Variants in FGF12 observed in about 807,000 individuals in gnomAD.
The protein encoded by FGF12 is fibroblast growth factor 12.
A neutral mutation model predicts 23.6 loss-of-function variants in FGF12; 14 were observed. That is an observed-to-expected ratio of 0.59 (90% CI 0.39 to 0.93). FGF12 has a LOEUF of 0.93. FGF12 is among the 40% of genes least tolerant of loss of function. FGF12 has a pLI of 0.00. For missense variants in FGF12, 175 were observed against 217.8 expected, an observed-to-expected ratio of 0.80 and a Z score of 1.24; for synonymous variants, 62 against 77.3, an observed-to-expected ratio of 0.80 and a Z score of 1.04.
chr3:192,443,885 T>C (rs191517814), intron 2 of FGF12, among the ~76,000 whole-genome samples: 33 of 152,242 alleles, frequency 2.2e-4, no homozygotes, highest in African/African-American at 6.3e-4. Flanking sequence ...GTGGGGCAGG[T>C]AGCAACAAGA....
intron 4 of FGF12, among the ~76,000 whole-genome samples, chr3:192,281,869 G>A (rs892507197): frequency 5.9e-5 from 9 of 152,014 alleles, no homozygotes; most frequent in Admixed American, 2.6e-4. Context: ...TCCTGTAATC[G>A]TTTCCTGATT....
intron 2 of FGF12, among the ~76,000 whole-genome samples, chr3:192,485,994 T>C (rs1422839863): frequency 6.6e-6 from 1 of 152,164 alleles, no homozygotes; most frequent in Non-Finnish European, 1.5e-5. Flanking sequence ...TAATACGTAG[T>C]AAAAATAACC....
intron 2 of FGF12, among the ~76,000 whole-genome samples, chr3:192,406,677 C>T (rs189848939): frequency 1.3e-5 from 2 of 152,276 alleles, no homozygotes; most frequent in East Asian, 3.9e-4. Context: ...ACTTTATCAT[C>T]ATCACAAAAT....
chr3:192,573,662 C>A (rs1016876270), intron 2 of FGF12, among the ~76,000 whole-genome samples: 1 of 152,066 alleles, frequency 6.6e-6, no homozygotes, highest in Non-Finnish European at 1.5e-5. Flanking sequence ...AAATAAAAAT[C>A]TCCTATTGGT....
At position 192,192,800 on chromosome 3, in the gene FGF12, A is replaced by AT. The variant is rs535210858; in HGVS notation, c.229-22145dup. Among the ~76,000 whole-genome samples, 53 of 152,228 alleles carry AT rather than the reference A, an allele frequency of 3.5e-4. No individual in the cohort carries two copies. In the East Asian group the frequency reaches 9.6e-3, roughly 28 times the overall value. ...CAGGTATTTATGAATACCTGCAGTT[A>AT]TTTTTTATTCATATAATACATCAGC... is the stretch of plus-strand genomic sequence containing the variant. On this transcript the variant is annotated intron_variant, in intron 4 of 5. Coordinates refer to ENST00000445105, the MANE Select transcript of FGF12 (RefSeq NM_004113.6).
At chr3:192,305,679 A>AAAAATAT (rs1423738741) in intron 4 of FGF12, among the ~76,000 whole-genome samples, 12 of 131,928 alleles carry the variant, frequency 9.1e-5, no homozygotes, top group African/African-American at 2.9e-4. Flanking sequence ...AAAAAAAAAA[A>AAAAATAT]ATATATATAT....
At chr3:192,549,008 C>A (rs183100772) in intron 2 of FGF12, among the ~76,000 whole-genome samples, 1 of 152,204 alleles carries the variant, frequency 6.6e-6, no homozygotes, top group African/African-American at 2.4e-5. Flanking sequence ...TATTATAAAC[C>A]ACTGCCACAT....
At chr3:192,667,662 G>T (rs375753262) in intron 2 of FGF12, among the ~76,000 whole-genome samples, 7 of 150,612 alleles carry the variant, frequency 4.6e-5, no homozygotes, top group Admixed American at 2.0e-4. Flanking sequence ...AAGAGACGGA[G>T]TGAGGGGAAG....
chr3:192,208,311 T>C (rs527473814), intron 4 of FGF12, among the ~76,000 whole-genome samples: 1 of 152,226 alleles, frequency 6.6e-6, no homozygotes, highest in Non-Finnish European at 1.5e-5. Flanking sequence ...TCAGCCACCA[T>C]AACTCAAAAC....
Position 192,583,430 on chromosome 3 carries a change from T to G in FGF12, c.13+143751A>C, listed in dbSNP as rs191590276. Reference sequence around the variant, plus strand: ...GGTCCTAAAAAAATACTTTTGGCAGTGAGAGTGAACCTATCTTTGATTTGC... The same window carrying G: ...GGTCCTAAAAAAATACTTTTGGCAGGGAGAGTGAACCTATCTTTGATTTGC... On this transcript the variant is annotated intron_variant, in intron 2 of 5. Transcript: ENST00000445105. Among the ~76,000 whole-genome samples, 514 of 152,320 alleles carry G rather than the reference T, an allele frequency of 3.4e-3. 5 individuals carry two copies. The highest frequency in any genetic ancestry group is 5.2e-3 in the Non-Finnish European group (352 of 68,024).
At chr3:192,568,396 T>G (rs573369166) in intron 2 of FGF12, among the ~76,000 whole-genome samples, 2 of 152,254 alleles carry the variant, frequency 1.3e-5, no homozygotes, top group South Asian at 4.2e-4. Flanking sequence ...TCCGTGTGTT[T>G]AGTTGCCATA....
chr3:192,719,332 C>T (rs1718960142), intron 2 of FGF12, among the ~76,000 whole-genome samples: 1 of 152,156 alleles, frequency 6.6e-6, no homozygotes, highest in Admixed American at 6.5e-5. Flanking sequence ...AAGACTGGCA[C>T]TGATTGGTCT....
Position 192,161,061 on chromosome 3 carries a change from G to A in FGF12, c.427+9397C>T, listed in dbSNP as rs78383968. The stretch of plus-strand genomic sequence containing the variant: ...CAGAAAATAAACCAAGAAAGCTGAC[G>A]ACCACCCTTACCTTTCCTTGTATAT... On this transcript the variant is annotated intron_variant, in intron 5 of 5. Transcript: ENST00000445105. Among the ~76,000 whole-genome samples the A allele has an allele frequency of 5.4e-3, 815 of 152,024 alleles. 3 individuals are homozygous for A. Among genetic ancestry groups the A allele is most frequent in the African/African-American group, 0.019 (790 of 41,486 alleles).
At chr3:192,696,996 GC>G (rs1196585219) in intron 2 of FGF12, among the ~76,000 whole-genome samples, 1 of 151,878 alleles carries the variant, frequency 6.6e-6, no homozygotes, top group African/African-American at 2.4e-5. Flanking sequence ...AGGATTGTTT[GC>G]CCCCCACACT....
Position 192,514,877 on chromosome 3 carries a change from G to A in FGF12, c.14-154339C>T. ...TCCATCGCGCGCGCCCAGGTGGAGG[G>A]GAGTTTGCACATGGAGCCGGAGGGA... On this transcript the variant is annotated intron_variant, in intron 2 of 5. Transcript: ENST00000445105. This position sits in a 1 kb window ranked among gnomAD's most constrained non-coding sequence, Gnocchi z 4.9. 1.0e-6 allele frequency: 1 copy of A among 985,404 alleles called. No homozygotes were observed. Among genetic ancestry groups the A allele is most frequent in the Non-Finnish European group, 1.2e-6 (1 of 829,970 alleles). 61.0% of individuals were successfully genotyped at this position (985,404 alleles called of 1,614,324 possible).
chr3:192,617,631 C>A (rs1714812531), intron 2 of FGF12, among the ~76,000 whole-genome samples: 1 of 152,114 alleles, frequency 6.6e-6, no homozygotes, highest in Admixed American at 6.6e-5. Context: ...CAACCTGAGG[C>A]TCTTATTAAA....
rs139703638 is a variant in FGF12 at position 192,491,350 on chromosome 3, T to C, written c.14-130812A>G. On this transcript the variant is annotated intron_variant, in intron 2 of 5. Coordinates refer to ENST00000445105, the MANE Select transcript of FGF12 (RefSeq NM_004113.6). ...ATCAGTAATCATCTTTGAAGGGAGT[T>C]TTACTTCAAAATAGCTTTCTATAAA... Among the ~76,000 whole-genome samples, 8 of 152,284 alleles carry C rather than the reference T, an allele frequency of 5.3e-5. 1 individual carries two copies. The East Asian group carries it at 1.5e-3, about 29-fold the overall frequency.
In FGF12 at chr3:192,177,582, C is replaced by A. The variant is rs535400926; in HGVS notation, c.229-6926G>T. ...TAATTCATCTTCACTCTGCTCTTTG[C>A]AGATCCCTGTTTCCTCCTTACTGCT... On this transcript the variant is annotated intron_variant, in intron 4 of 5. Transcript: ENST00000445105. Among the ~76,000 whole-genome samples, 11 of 152,340 alleles carry A rather than the reference C, an allele frequency of 7.2e-5. No homozygotes were observed. In the South Asian group the frequency reaches 2.3e-3, roughly 32 times the overall value.
intron 4 of FGF12, among the ~76,000 whole-genome samples, chr3:192,309,919 ACTT>A (rs1486647483): frequency 2.6e-5 from 4 of 152,178 alleles, no homozygotes; most frequent in Non-Finnish European, 4.4e-5. Context: ...ATTTTAGAGT[ACTT>A]CTTCTTTTAC....
Sources: gnomAD v4.1 joint callset for allele counts (sites outside exome capture counted in the v4.1 genomes callset) on GRCh38, gnomAD v4.1.1 for gene constraint, Gnocchi (gnomAD v3.1) non-coding constraint, MANE v1.5 for transcripts, NCBI Gene and HGNC (gene_info 2026-07-23, HGNC 2026-07-21) for gene names.